Variants in BABAM2 observed in about 807,000 individuals in gnomAD.
BABAM2 encodes the protein BRISC and BRCA1 A complex member 2, also known as BRISC and BRCA1-A complex member 2.
BABAM2 carries 31 observed loss-of-function variants against 54.7 expected under a neutral mutation model. The observed-to-expected ratio is 0.57, with a 90% CI of 0.43 to 0.77. BABAM2 has a LOEUF of 0.77. BABAM2 is among the 30% of genes least tolerant of loss of function. The pLI is 0.00. For missense variants in BABAM2, 364 were observed against 455.8 expected, an observed-to-expected ratio of 0.80 and a Z score of 1.83; for synonymous variants, 167 against 162.9, an observed-to-expected ratio of 1.03 and a Z score of -0.19.
intron 4 of BABAM2, among the ~76,000 whole-genome samples, chr2:28,020,215 G>C (rs1675149418): frequency 6.6e-6 from 1 of 152,130 alleles, no homozygotes; most frequent in Admixed American, 6.5e-5. Flanking sequence ...AGAGACAATT[G>C]GAGTCTGACG....
At chr2:28,315,426 C>CTT (rs1195879655) in intron 11 of BABAM2, among the ~76,000 whole-genome samples, 1 of 13,518 alleles carries the variant, frequency 7.4e-5, no homozygotes, top group Non-Finnish European at 1.5e-4. Flanking sequence ...GTTCTTTTTT[C>CTT]TTTTCTTTTC....
chr2:28,039,280 G>A (rs1356590609), intron 5 of BABAM2, among the ~76,000 whole-genome samples: 1 of 152,200 alleles, frequency 6.6e-6, no homozygotes, highest in Admixed American at 6.5e-5. Flanking sequence ...CTAGGCCTCA[G>A]TTTTTTCATT....
rs555877249 is a variant in BABAM2 at position 28,048,604 on chromosome 2, T to G, written c.570+2805T>G. The stretch of plus-strand genomic sequence containing the variant: ...ATACAAATCCTCTTCTTCTGTGGTC[T>G]GTATAGCAGGAAACAGTCCATACTT... On this transcript the variant is annotated intron_variant, in intron 6 of 11. Coordinates refer to ENST00000379624, the MANE Select transcript of BABAM2 (RefSeq NM_199191.3). Among the ~76,000 whole-genome samples the G allele has an allele frequency of 2.0e-5, 3 of 152,314 alleles. No individual in the cohort carries two copies. The East Asian group carries it at 5.8e-4, about 29-fold the overall frequency.
At chr2:28,166,608 T>A (rs1193059899) in intron 7 of BABAM2, among the ~76,000 whole-genome samples, 3 of 152,134 alleles carry the variant, frequency 2.0e-5, no homozygotes, top group Non-Finnish European at 4.4e-5. Flanking sequence ...AGGAGGGATA[T>A]GTCTCTTACC....
At chr2:28,020,865 T>G (rs1267154746) in intron 4 of BABAM2, among the ~76,000 whole-genome samples, 1 of 151,974 alleles carries the variant, frequency 6.6e-6, no homozygotes, top group Non-Finnish European at 1.5e-5. Flanking sequence ...CCCGTTATTT[T>G]TAGTTATTTG....
chr2:28,268,834 A>G (rs1386721596), intron 10 of BABAM2, among the ~76,000 whole-genome samples: 3 of 152,184 alleles, frequency 2.0e-5, no homozygotes, highest in African/African-American at 7.2e-5. Context: ...CATTGACTCA[A>G]TCATCTTCAG....
intron 2 of BABAM2, among the ~76,000 whole-genome samples, chr2:27,900,586 A>G (rs1332188756): frequency 1.3e-5 from 2 of 152,158 alleles, no homozygotes; most frequent in African/African-American, 2.4e-5. Context: ...GAATGGATGA[A>G]TGAATGAGTT....
intron 2 of BABAM2, among the ~76,000 whole-genome samples, chr2:27,909,408 A>C (rs535180341): frequency 3.9e-5 from 6 of 152,222 alleles, no homozygotes; most frequent in African/African-American, 1.4e-4. Context: ...CCATTAAAAA[A>C]GTTTTTTTTT....
chr2:28,306,527 G>T (rs1469261150), intron 11 of BABAM2, among the ~76,000 whole-genome samples: 1 of 151,802 alleles, frequency 6.6e-6, no homozygotes, highest in Non-Finnish European at 1.5e-5. Flanking sequence ...TATTAAAATT[G>T]TTACACCAGC....
chr2:28,272,530 G>A (rs1685503377), intron 10 of BABAM2, among the ~76,000 whole-genome samples: 1 of 152,244 alleles, frequency 6.6e-6, no homozygotes, highest in Admixed American at 6.5e-5. Context: ...ACAGTCAAAT[G>A]AAGGTGACTT....
chr2:27,957,119 T>A (rs1038723463), intron 3 of BABAM2, among the ~76,000 whole-genome samples: 1 of 152,156 alleles, frequency 6.6e-6, no homozygotes, highest in Non-Finnish European at 1.5e-5. Context: ...CTTCTCTGGC[T>A]AAAAAAATGT....
chr2:27,951,500 C>CT (rs1334778306), intron 3 of BABAM2, among the ~76,000 whole-genome samples: 4 of 152,016 alleles, frequency 2.6e-5, no homozygotes, highest in Non-Finnish European at 5.9e-5. Context: ...GACTTACATC[C>CT]TTTTAAATGT....
chr2:28,068,922 T>C (rs1312999235), intron 6 of BABAM2, among the ~76,000 whole-genome samples: 1 of 152,216 alleles, frequency 6.6e-6, no homozygotes, highest in Non-Finnish European at 1.5e-5. Flanking sequence ...AAGGGTGTTT[T>C]AATGGAAAAT....
chr2:27,936,713 C>T (rs1307396169), intron 3 of BABAM2, among the ~76,000 whole-genome samples: 3 of 152,002 alleles, frequency 2.0e-5, no homozygotes, highest in Admixed American at 6.6e-5. Flanking sequence ...AAGCCAAACA[C>T]CGCATGTTCT....
In BABAM2 at chr2:28,134,459, A is replaced by G. The variant is rs1043320957; in HGVS notation, c.680+5079A>G. ...GAGTCTGCATAGCACTCTTCCACGA[A>G]AGGTGTGGGCCCTTTTCTTGGCTTG... is the stretch of plus-strand genomic sequence containing the variant. On this transcript the variant is annotated intron_variant, in intron 7 of 11. Coordinates refer to ENST00000379624, the MANE Select transcript of BABAM2 (RefSeq NM_199191.3). 13 of 152,244 alleles carry G rather than the reference A, an allele frequency of 8.5e-5. 1 individual carries two copies. The highest frequency in any genetic ancestry group is 4.6e-4 in the Admixed American group (7 of 15,286). 9.4% of individuals were successfully genotyped at this position (152,244 alleles called of 1,614,324 possible). A position where few individuals can be genotyped will look rare whatever the true frequency, so the allele number is the denominator to read the frequency against.
intron 7 of BABAM2, among the ~76,000 whole-genome samples, chr2:28,153,427 C>G (rs1672245304): frequency 6.6e-6 from 1 of 152,190 alleles, no homozygotes; most frequent in South Asian, 2.1e-4. Context: ...AACATTTTCT[C>G]AATTCAACTT....
chr2:28,247,712 C>T (rs552313904), intron 10 of BABAM2, among the ~76,000 whole-genome samples: 2 of 152,302 alleles, frequency 1.3e-5, no homozygotes, highest in South Asian at 4.1e-4. Flanking sequence ...CCTCCCTATT[C>T]TCCTCGGGCC....
intron 10 of BABAM2, among the ~76,000 whole-genome samples, chr2:28,289,147 A>G (rs1687073459): frequency 6.6e-6 from 1 of 152,096 alleles, no homozygotes; most frequent in Non-Finnish European, 1.5e-5. Flanking sequence ...TAAGAAATAG[A>G]ATAGTGCCAG....
chr2:28,160,202 G>A (rs1263664281), intron 7 of BABAM2, among the ~76,000 whole-genome samples: 3 of 152,028 alleles, frequency 2.0e-5, no homozygotes, highest in Non-Finnish European at 2.9e-5. Flanking sequence ...GGCCAGTCTT[G>A]AACTCCTGGC....
Sources: gnomAD v4.1 joint callset for allele counts (sites outside exome capture counted in the v4.1 genomes callset) on GRCh38, gnomAD v4.1.1 for gene constraint, MANE v1.5 for transcripts, NCBI Gene and HGNC (gene_info 2026-07-23, HGNC 2026-07-21) for gene names.